Variants in CFAP299 observed in about 807,000 individuals in gnomAD.
CFAP299 encodes the protein cilia- and flagella-associated protein 299.
Under a neutral mutation model 27.0 loss-of-function variants are expected in CFAP299, and 21 were observed. That is an observed-to-expected ratio of 0.78 (90% CI 0.55 to 1.12). The LOEUF (loss-of-function observed/expected upper bound fraction) is 1.12. CFAP299 is among the 50% of genes most tolerant of loss of function. The pLI, the probability that CFAP299 is intolerant of heterozygous loss-of-function variation, is 0.00. For synonymous variants in CFAP299, 104 were observed against 98.1 expected (o/e 1.06, Z -0.36); for missense variants, 310 against 276.6 (o/e 1.12, Z -0.86).
intron 3 of CFAP299, among the ~76,000 whole-genome samples, chr4:80,850,541 A>G (rs1013024524): frequency 1.3e-5 from 2 of 152,062 alleles, no homozygotes; most frequent in Non-Finnish European, 2.9e-5. Flanking sequence ...ATTATTGAAT[A>G]AAATAAATAT....
At chr4:80,478,434 T>G (rs1027699606) in intron 2 of CFAP299, among the ~76,000 whole-genome samples, 1 of 152,136 alleles carries the variant, frequency 6.6e-6, no homozygotes, top group Non-Finnish European at 1.5e-5. Flanking sequence ...TTTTTTGTTT[T>G]GTGAGCACAG....
intron 4 of CFAP299, among the ~76,000 whole-genome samples, chr4:80,882,567 G>C (rs931341716): frequency 3.9e-5 from 6 of 152,062 alleles, no homozygotes; most frequent in African/African-American, 1.4e-4. Context: ...GAACCCGGGA[G>C]GCGGAGCTTG....
intron 3 of CFAP299, among the ~76,000 whole-genome samples, chr4:80,763,007 G>A (rs186402812): frequency 6.6e-6 from 1 of 152,056 alleles, no homozygotes; most frequent in African/African-American, 2.4e-5. Context: ...CTAACAAATG[G>A]CTTGAACACT....
chr4:80,929,637 A>G (rs1262911421), intron 4 of CFAP299, among the ~76,000 whole-genome samples: 1 of 152,188 alleles, frequency 6.6e-6, no homozygotes, highest in African/African-American at 2.4e-5. Context: ...AGCCTGGGTT[A>G]ATGAGACAGA....
intron 2 of CFAP299, among the ~76,000 whole-genome samples, chr4:80,499,709 A>C (rs1164998844): frequency 6.6e-6 from 1 of 152,082 alleles, no homozygotes; most frequent in African/African-American, 2.4e-5. Flanking sequence ...GGGTGCGTGC[A>C]CATGGAGATT....
At chr4:80,807,306 T>C (rs938195252) in intron 3 of CFAP299, among the ~76,000 whole-genome samples, 1 of 152,230 alleles carries the variant, frequency 6.6e-6, no homozygotes, top group Non-Finnish European at 1.5e-5. Flanking sequence ...AAACATATGA[T>C]ATATGTTGTA....
At chr4:80,329,208 C>CATATATATATATATATATATAT in the CFAP299 span, among the ~76,000 whole-genome samples, 97 of 136,028 alleles carry the variant, frequency 7.1e-4, no homozygotes, top group African/African-American at 2.7e-3. Context: ...ACACTGTATA[C>CATATATATATATATATATATAT]ATATATATAT....
At chr4:80,660,954 G>T in intron 3 of CFAP299, among the ~76,000 whole-genome samples, 1 of 152,090 alleles carries the variant, frequency 6.6e-6, no homozygotes, top group East Asian at 1.9e-4. Context: ...AAAAGACATG[G>T]GAAATGGGGA....
At chr4:80,402,127 G>A (rs939639927) in intron 2 of CFAP299, among the ~76,000 whole-genome samples, 1 of 152,162 alleles carries the variant, frequency 6.6e-6, no homozygotes, top group African/African-American at 2.4e-5. Flanking sequence ...AGGCTCATAG[G>A]CAGAAGGGAC....
At chr4:80,816,124 C>A (rs1729408570) in intron 3 of CFAP299, among the ~76,000 whole-genome samples, 1 of 151,800 alleles carries the variant, frequency 6.6e-6, no homozygotes, top group African/African-American at 2.4e-5. Flanking sequence ...TAAAGTACAT[C>A]AAAATATGAG....
intron 3 of CFAP299, among the ~76,000 whole-genome samples, chr4:80,787,580 C>T (rs1406327155): frequency 1.3e-5 from 2 of 151,952 alleles, no homozygotes; most frequent in African/African-American, 4.8e-5. Flanking sequence ...AAGGTAACCA[C>T]GGTTAGTAAC....
At chr4:80,780,851 T>C (rs769775937) in intron 3 of CFAP299, among the ~76,000 whole-genome samples, 2 of 151,864 alleles carry the variant, frequency 1.3e-5, no homozygotes, top group Admixed American at 6.6e-5. Context: ...CAAAAATCCA[T>C]AGAAGGATGG....
chr4:80,410,504 G>A (rs2110060198), intron 2 of CFAP299, among the ~76,000 whole-genome samples: 1 of 152,270 alleles, frequency 6.6e-6, no homozygotes, highest in African/African-American at 2.4e-5. Context: ...CAGAAGCAGA[G>A]ATCAAAGGGT....
In CFAP299 at chr4:80,452,868, C is replaced by T. The variant is rs2110098219; in HGVS notation, c.242+89984C>T. Reference sequence around the variant, plus strand: ...ATTTAACTTAAAACAATTCACACTACTCTGATGATGATTACTTTTAAAATG... The same window carrying T: ...ATTTAACTTAAAACAATTCACACTATTCTGATGATGATTACTTTTAAAATG... On this transcript the variant is annotated intron_variant, in intron 2 of 5. Coordinates refer to ENST00000358105, the MANE Select transcript of CFAP299 (RefSeq NM_152770.3). Among the ~76,000 whole-genome samples, 2 of 152,264 alleles carry T rather than the reference C, an allele frequency of 1.3e-5. 1 individual carries two copies. The highest frequency in any genetic ancestry group is 4.1e-4 in the South Asian group (2 of 4,826).
At chr4:80,835,180 G>T (rs1008532374) in intron 3 of CFAP299, among the ~76,000 whole-genome samples, 3 of 151,900 alleles carry the variant, frequency 2.0e-5, no homozygotes, top group Admixed American at 6.6e-5. Flanking sequence ...GCAGTGGCTC[G>T]ATCTCGGCTC....
chr4:80,673,550 AG>A, intron 3 of CFAP299, among the ~76,000 whole-genome samples: 1 of 152,264 alleles, frequency 6.6e-6, no homozygotes, highest in South Asian at 2.1e-4. Flanking sequence ...GCTGAGTTCA[AG>A]TCTGGATATC....
At chr4:80,664,841 C>G (rs1258712491) in intron 3 of CFAP299, among the ~76,000 whole-genome samples, 2 of 152,082 alleles carry the variant, frequency 1.3e-5, no homozygotes, top group African/African-American at 4.8e-5. Flanking sequence ...GTGCTTGAAA[C>G]CCAGGGCCCT....
At chr4:80,627,717 A>C (rs115497158) in intron 3 of CFAP299, among the ~76,000 whole-genome samples, 1,638 of 152,182 alleles carry the variant, frequency 0.011, 31 homozygotes, top group African/African-American at 0.036. Flanking sequence ...TCTGAAAAAG[A>C]ACAAGAGAAC....
rs1330106012 is a variant in CFAP299 at position 80,924,532 on chromosome 4, GTGTGTGTATATA to G, written c.477-20276_477-20265del. 1.5e-3 allele frequency among the ~76,000 whole-genome samples: 208 copies of G among 142,296 alleles called. 1 individual carries two copies. The highest frequency in any genetic ancestry group is 5.4e-3 in the African/African-American group (204 of 37,674). 93.4% of individuals were successfully genotyped at this position (142,296 alleles called of 152,430 possible). Reference sequence around the variant, plus strand: ...ATTCATTATGTGTGTGTGTGTGTGTGTGTGTGTATATATATATATATATATATATATCTGTGT... The same window carrying G: ...ATTCATTATGTGTGTGTGTGTGTGTGTATATATATATATATATATCTGTGT... On this transcript the variant is annotated intron_variant, in intron 4 of 5. Transcript: ENST00000358105.
Sources: allele counts gnomAD v4.1 joint callset (sites outside exome capture counted in the v4.1 genomes callset), GRCh38; gene constraint gnomAD v4.1.1; transcripts MANE v1.5; gene names NCBI Gene and HGNC (gene_info 2026-07-23, HGNC 2026-07-21).